Variants in DNASE1 observed in about 807,000 individuals in gnomAD.
DNASE1 encodes the protein deoxyribonuclease-1.
A neutral mutation model predicts 33.9 loss-of-function variants in DNASE1; 40 were observed. That is an observed-to-expected ratio of 1.18 (90% CI 0.92 to 1.54). The LOEUF is 1.54. Among genes scored for constraint, DNASE1 ranks in the 40% most tolerant of loss-of-function variants. The probability of loss-of-function intolerance (pLI) is 0.00; values close to 1 mark genes in which losing one functional copy is unlikely to be tolerated. For synonymous variants in DNASE1, 216 were observed against 160.0 expected (o/e 1.35, Z -2.64); for missense variants, 518 against 372.6 (o/e 1.39, Z -3.21).
downstream of DNASE1, chr16:3,661,839 C>T: frequency 9.2e-7 from 1 of 1,088,502 alleles, no homozygotes. Context: ...ATGGGTGCAG[C>T]CTAAACTGCA....
At chr16:3,663,165 G>A (rs2043178882) in exon 10 of DNASE1, 1 of 660,496 alleles carries the variant, frequency 1.5e-6, no homozygotes, top group East Asian at 2.7e-5. Flanking sequence ...CTTGGTTAGG[G>A]CTTTAAAAAA....
At chr16:3,659,245 G>A (rs2042921498), downstream of DNASE1, 1 of 177,228 alleles carries the variant, frequency 5.6e-6, no homozygotes, top group South Asian at 1.2e-4. Flanking sequence ...TCTGGAAAGG[G>A]GGAAGGCAAA....
At chr16:3,616,021 T>G (rs1367831667) in intron 1 of DNASE1, among the ~76,000 whole-genome samples, 2 of 152,252 alleles carry the variant, frequency 1.3e-5, no homozygotes, top group Non-Finnish European at 2.9e-5. Context: ...CATGTTAACT[T>G]TTATTTACTG....
At chr16:3,634,310 G>A (rs1471718245) in intron 1 of DNASE1, among the ~76,000 whole-genome samples, 1 of 149,970 alleles carries the variant, frequency 6.7e-6, no homozygotes, top group Non-Finnish European at 1.5e-5. Context: ...CTCACTGGAA[G>A]CTCCACCTCC....
At chr16:3,625,729 G>A (rs1457248983) in intron 1 of DNASE1, among the ~76,000 whole-genome samples, 1 of 152,024 alleles carries the variant, frequency 6.6e-6, no homozygotes, top group African/African-American at 2.4e-5. Context: ...TCTTAAACAG[G>A]GACACAAACC....
upstream of DNASE1, among the ~76,000 whole-genome samples, chr16:3,642,303 C>T (rs998395093): frequency 6.6e-6 from 1 of 152,248 alleles, no homozygotes; most frequent in African/African-American, 2.4e-5. Context: ...CATTAGGAGC[C>T]ATCCTTGGGC....
chr16:3,663,487 A>C, exon 10 of DNASE1: 1 of 1,614,174 alleles, frequency 6.2e-7, no homozygotes, highest in African/African-American at 1.3e-5. Context: ...GTCTCCACAG[A>C]GATCAGCTTC....
chr16:3,641,280 C>T (rs572329764), upstream of DNASE1: 22 of 220,224 alleles, frequency 1.0e-4, no homozygotes, highest in East Asian at 1.2e-3. Flanking sequence ...GAACCAGTGC[C>T]GCTCCCCAGA....
chr16:3,655,149 C>T (rs945142466), intron 1 of DNASE1, 105 bp downstream of exon 1: 1 of 617,970 alleles, frequency 1.6e-6, no homozygotes, highest in African/African-American at 1.8e-5. Context: ...GCTCCAGCGT[C>T]CCTCCCGGGC....
At chr16:3,639,548 C>G (rs2041971588), upstream of DNASE1, among the ~76,000 whole-genome samples, 1 of 152,198 alleles carries the variant, frequency 6.6e-6, no homozygotes. Flanking sequence ...ATCACACCCT[C>G]TCCTAGGTCT....
At chr16:3,617,577 A>G (rs987360358) in intron 1 of DNASE1, among the ~76,000 whole-genome samples, 1 of 152,164 alleles carries the variant, frequency 6.6e-6, no homozygotes, top group African/African-American at 2.4e-5. Flanking sequence ...CTAAATGTTT[A>G]TGTCTCCCCC....
intron 1 of DNASE1, among the ~76,000 whole-genome samples, chr16:3,619,832 A>C (rs1490499003): frequency 2.0e-5 from 3 of 151,866 alleles, no homozygotes; most frequent in Non-Finnish European, 4.4e-5. Flanking sequence ...TAAAAATTCT[A>C]ATTTCCATTT....
At chr16:3,663,217 C>G (rs1054509228) in exon 10 of DNASE1, 23 of 709,882 alleles carry the variant, frequency 3.2e-5, no homozygotes, top group Non-Finnish European at 4.3e-5. Flanking sequence ...CCAGAAGCCA[C>G]CGTGGCAGGA....
At chr16:3,612,846 T>C (rs966403665) in intron 1 of DNASE1, among the ~76,000 whole-genome samples, 3 of 152,116 alleles carry the variant, frequency 2.0e-5, no homozygotes, top group East Asian at 3.8e-4. Context: ...TGGAGAAATA[T>C]GGAGCATAGT....
At chr16:3,621,886 T>C (rs1459227492) in intron 1 of DNASE1, among the ~76,000 whole-genome samples, 3 of 152,146 alleles carry the variant, frequency 2.0e-5, no homozygotes, top group African/African-American at 7.2e-5. Flanking sequence ...AGGATATGGG[T>C]AAATCAGAGT....
At chr16:3,629,539 G>C (rs1222286966) in intron 1 of DNASE1, among the ~76,000 whole-genome samples, 1 of 152,146 alleles carries the variant, frequency 6.6e-6, no homozygotes, top group Non-Finnish European at 1.5e-5. Context: ...TTAGTCTGTG[G>C]TTTTATTTTA....
At chr16:3,638,226 A>G (rs2041930354), upstream of DNASE1, among the ~76,000 whole-genome samples, 2 of 152,236 alleles carry the variant, frequency 1.3e-5, no homozygotes, top group South Asian at 4.1e-4. Context: ...ATTTATCAGT[A>G]CATAATATGC....
downstream of DNASE1, chr16:3,661,882 G>A (rs1409761876): frequency 1.2e-5 from 17 of 1,392,470 alleles, no homozygotes; most frequent in Admixed American, 5.4e-5. Context: ...CATGTCCACA[G>A]GCCTCACGCA....
chr16:3,664,553 T>G (rs528604684), exon 10 of DNASE1: 1 of 1,339,262 alleles, frequency 7.5e-7, no homozygotes. Flanking sequence ...GCCCATGGCC[T>G]CCTGGCACTC....
Sources: allele counts gnomAD v4.1 joint callset (sites outside exome capture counted in the v4.1 genomes callset), GRCh38; gene constraint gnomAD v4.1.1; transcripts MANE v1.5; gene names NCBI Gene and HGNC (gene_info 2026-07-23, HGNC 2026-07-21).